The following LRMDA variants were observed in gnomAD, a reference collection of about 807,000 sequenced individuals.
The protein encoded by LRMDA is leucine-rich melanocyte differentiation-associated protein.
Under a neutral mutation model 29.8 loss-of-function variants are expected in LRMDA, and 18 were observed. That is an observed-to-expected ratio of 0.60 (90% CI 0.42 to 0.90). LRMDA has a LOEUF of 0.90. Among genes scored for constraint, LRMDA ranks in the 40% least tolerant of loss-of-function variants. LRMDA has a pLI of 0.00. For missense variants in LRMDA, 273 were observed against 273.9 expected (o/e 1.00, Z 0.02); for synonymous variants, 125 against 109.4 (o/e 1.14, Z -0.89).
At chr10:75,433,849 C>A (rs1388682148) in intron 1 of LRMDA, among the ~76,000 whole-genome samples, 2 of 151,916 alleles carry the variant, frequency 1.3e-5, no homozygotes, top group East Asian at 1.9e-4. Flanking sequence ...GAAAAAAAAA[C>A]CCTATGCAAT....
At chr10:75,963,120 T>C (rs1846797593) in intron 2 of LRMDA, among the ~76,000 whole-genome samples, 1 of 152,258 alleles carries the variant, frequency 6.6e-6, no homozygotes, top group Admixed American at 6.5e-5. Context: ...GATAATGTAC[T>C]TGAATTTCCT....
intron 5 of LRMDA, among the ~76,000 whole-genome samples, chr10:76,094,288 G>A (rs1373625343): frequency 6.6e-6 from 1 of 151,988 alleles, no homozygotes; most frequent in East Asian, 1.9e-4. Context: ...TGAATACCAA[G>A]GAAAGGAATA....
chr10:75,942,379 G>A (rs980892198), intron 2 of LRMDA, among the ~76,000 whole-genome samples: 8 of 152,128 alleles, frequency 5.3e-5, no homozygotes, highest in African/African-American at 9.7e-5. Context: ...TCAATAAAGA[G>A]GAAATTATTA....
chr10:75,629,981 A>G (rs1333054521), intron 2 of LRMDA, among the ~76,000 whole-genome samples: 1 of 152,268 alleles, frequency 6.6e-6, no homozygotes, highest in Non-Finnish European at 1.5e-5. Flanking sequence ...ATTCCATCAT[A>G]TATGTAATTT....
At chr10:75,847,863 A>G (rs1007383208) in intron 2 of LRMDA, among the ~76,000 whole-genome samples, 1 of 152,206 alleles carries the variant, frequency 6.6e-6, no homozygotes, top group Non-Finnish European at 1.5e-5. Flanking sequence ...AACATGAGCT[A>G]TCACCTTATA....
chr10:75,844,140 G>A (rs1337369983), intron 2 of LRMDA, among the ~76,000 whole-genome samples: 2 of 152,144 alleles, frequency 1.3e-5, no homozygotes, highest in Non-Finnish European at 2.9e-5. Flanking sequence ...TGGAACCCAG[G>A]AGTCTAAAAA....
At chr10:75,825,522 G>T (rs1049066597) in intron 2 of LRMDA, among the ~76,000 whole-genome samples, 1 of 152,180 alleles carries the variant, frequency 6.6e-6, no homozygotes, top group African/African-American at 2.4e-5. Flanking sequence ...GCTGCCTGGA[G>T]ATGCATGGCA....
chr10:76,099,640 A>G (rs1421685373), intron 5 of LRMDA, among the ~76,000 whole-genome samples: 5 of 151,758 alleles, frequency 3.3e-5, no homozygotes, highest in Non-Finnish European at 7.4e-5. Context: ...ACTTCCTTTT[A>G]CCTGTGTTCT....
At position 76,222,684 on chromosome 10, in the gene LRMDA, T is replaced by G. The variant is rs536787858; in HGVS notation, c.517-101717T>G. Among the ~76,000 whole-genome samples the G allele has an allele frequency of 1.2e-3, 180 of 152,328 alleles. 4 individuals carry two copies. The East Asian group carries it at 0.033, about 28-fold the overall frequency. ...CACTGTTGGTGGGACTGTAAACTAG[T>G]TCAACCCTTGTGGAAGTCAGTGTGG... On this transcript the variant is annotated intron_variant, in intron 5 of 6. Coordinates refer to ENST00000611255, the MANE Select transcript of LRMDA (RefSeq NM_001305581.2).
chr10:76,415,786 A>T (rs1289264368), intron 6 of LRMDA, among the ~76,000 whole-genome samples: 3 of 152,174 alleles, frequency 2.0e-5, no homozygotes, highest in African/African-American at 7.2e-5. Context: ...TGCCCATCAT[A>T]GCTCAGCCTG....
chr10:76,061,175 G>A (rs1033216171), intron 5 of LRMDA, among the ~76,000 whole-genome samples: 2 of 152,178 alleles, frequency 1.3e-5, no homozygotes, highest in South Asian at 2.1e-4. Flanking sequence ...TATACACTAT[G>A]GAATACTATG....
At chr10:76,452,387 T>C (rs1466369163) in intron 6 of LRMDA, among the ~76,000 whole-genome samples, 2 of 152,092 alleles carry the variant, frequency 1.3e-5, no homozygotes. Context: ...CTGTTTCTGC[T>C]GCCCTCAGAA....
chr10:75,841,758 T>A (rs1003393718), intron 2 of LRMDA, among the ~76,000 whole-genome samples: 13 of 152,216 alleles, frequency 8.5e-5, no homozygotes, highest in Non-Finnish European at 1.3e-4. Context: ...ATTTCTTTAT[T>A]GGAATGCATA....
intron 2 of LRMDA, among the ~76,000 whole-genome samples, chr10:75,675,560 TGATTATAC>T (rs1187770539): frequency 2.0e-5 from 3 of 152,118 alleles, no homozygotes; most frequent in Non-Finnish European, 4.4e-5. Flanking sequence ...CAGCATGGGG[TGATTATAC>T]GAAGCTAGGT....
intron 2 of LRMDA, among the ~76,000 whole-genome samples, chr10:75,851,707 C>G (rs1048522839): frequency 5.3e-5 from 8 of 152,168 alleles, no homozygotes; most frequent in Non-Finnish European, 1.0e-4. Flanking sequence ...CACTGGCCAT[C>G]ATAAATCAAA....
chr10:76,217,539 A>AG (rs1403493439), intron 5 of LRMDA, among the ~76,000 whole-genome samples: 2 of 152,178 alleles, frequency 1.3e-5, no homozygotes, highest in Non-Finnish European at 2.9e-5. Flanking sequence ...TATTAGTGCT[A>AG]GGGGGACACA....
At chr10:75,586,736 AT>A (rs1429708000) in intron 2 of LRMDA, among the ~76,000 whole-genome samples, 2 of 145,308 alleles carry the variant, frequency 1.4e-5, no homozygotes, top group Admixed American at 6.8e-5. Context: ...GACATTGAGC[AT>A]TTTTTTTTCA....
intron 2 of LRMDA, among the ~76,000 whole-genome samples, chr10:75,955,311 A>G (rs901410932): frequency 2.0e-5 from 3 of 152,148 alleles, no homozygotes; most frequent in Non-Finnish European, 2.9e-5. Context: ...AATTGTGCCA[A>G]TCATGTGTCC....
chr10:76,363,276 A>AAAGAAAGGAAGG (rs1841350130), intron 6 of LRMDA, among the ~76,000 whole-genome samples: 1 of 58,872 alleles, frequency 1.7e-5, no homozygotes, highest in Non-Finnish European at 3.2e-5. Context: ...GGAAGGAAGG[A>AAAGAAAGGAAGG]AAGGAAGGAA....
Sources: gnomAD v4.1 joint callset for allele counts (sites outside exome capture counted in the v4.1 genomes callset) on GRCh38, gnomAD v4.1.1 for gene constraint, MANE v1.5 for transcripts, NCBI Gene and HGNC (gene_info 2026-07-23, HGNC 2026-07-21) for gene names.